The following OVCH1 variants were observed in gnomAD, a reference collection of about 807,000 sequenced individuals.
OVCH1 encodes ovochymase 1, also known as ovochymase-1.
In OVCH1, 139 loss-of-function variants were observed where a neutral mutation model predicts 138.4. The observed-to-expected ratio is 1.00, with a 90% CI of 0.87 to 1.16. The LOEUF is 1.16. OVCH1 is among the 50% of genes most tolerant of loss of function. OVCH1 has a pLI of 0.00. For missense variants in OVCH1, 1,367 were observed against 1,357.9 expected (o/e 1.01, Z -0.11); for synonymous variants, 453 against 467.8 (o/e 0.97, Z 0.41).
chr12:29,457,657 C>A (rs1240270558), intron 19 of OVCH1, among the ~76,000 whole-genome samples: 2 of 151,992 alleles, frequency 1.3e-5, no homozygotes, highest in Non-Finnish European at 2.9e-5. Flanking sequence ...CCTGCCTTGG[C>A]CTCCCAAAGT....
chr12:29,439,413 G>A (rs1941428286), exon 26 of OVCH1: 2 of 1,539,230 alleles, frequency 1.3e-6, no homozygotes, highest in South Asian at 2.5e-5. Context: ...CAGTATCATT[G>A]CCAGAGTTCC....
chr12:29,497,576 A>T (rs554149051), intron 1 of OVCH1, 47 bp downstream of exon 1: 25 of 1,606,798 alleles, frequency 1.6e-5, no homozygotes, highest in Non-Finnish European at 2.1e-5. Flanking sequence ...CCTCTCCAGC[A>T]CGCTCAGCCT....
At chr12:29,464,602 T>G (rs1942252923) in exon 18 of OVCH1, 1 of 1,613,356 alleles carries the variant, frequency 6.2e-7, no homozygotes, top group African/African-American at 1.3e-5. Flanking sequence ...CACCACCGAG[T>G]TGTACTCCAG....
At chr12:29,438,457 A>G (rs1941404888) in intron 26 of OVCH1, among the ~76,000 whole-genome samples, 1 of 40,828 alleles carries the variant, frequency 2.4e-5, no homozygotes. Context: ...TTTCCTCTTC[A>G]TCCCTCCAGA....
chr12:29,404,486 G>A, the OVCH1 span, among the ~76,000 whole-genome samples: 1 of 152,208 alleles, frequency 6.6e-6, no homozygotes, highest in East Asian at 1.9e-4. Context: ...GGCCACTCAG[G>A]TAGTGGGCTG....
chr12:29,407,650 T>G (rs1940901322), downstream of OVCH1, among the ~76,000 whole-genome samples: 1 of 152,288 alleles, frequency 6.6e-6, no homozygotes, highest in South Asian at 2.1e-4. Flanking sequence ...GGCTCTGTTC[T>G]GTTCCATTGG....
rs1327583108 is a variant in OVCH1 at position 29,489,639 on chromosome 12, C to T, written c.683G>A (p.Trp228Ter). Residue 228 changes from tryptophan to a stop codon, truncating the protein, a stop_gained, in exon 6 of 28, where the codon TGG (tryptophan) becomes TAG (stop). Transcript: ENST00000318184. LOFTEE classifies it high-confidence loss of function. Reference sequence around the variant, plus strand: ...TTGTACCTGGCAGGCGTCCATTCCCCAATCAGGGAAGCCAGCACACAGCAT... The same window carrying T: ...TTGTACCTGGCAGGCGTCCATTCCCTAATCAGGGAAGCCAGCACACAGCAT... 1.2e-6 allele frequency: 2 copies of T among 1,607,952 alleles called. No individual in the cohort carries two copies. Among genetic ancestry groups the T allele is most frequent in the Admixed American group, 1.7e-5 (1 of 59,290 alleles).
chr12:29,484,189 T>C (rs999099368), intron 8 of OVCH1, among the ~76,000 whole-genome samples: 24 of 152,180 alleles, frequency 1.6e-4, no homozygotes, highest in African/African-American at 5.3e-4. Flanking sequence ...GGACAGGGTA[T>C]GTAGAAAATT....
At chr12:29,461,551 T>C (rs1942131246) in intron 19 of OVCH1, among the ~76,000 whole-genome samples, 1 of 152,194 alleles carries the variant, frequency 6.6e-6, no homozygotes, top group South Asian at 2.1e-4. Flanking sequence ...TATTTGTACC[T>C]GAACACATCT....
In OVCH1 at chr12:29,451,383, A is replaced by G; in HGVS notation, c.2717T>C (p.Ile906Thr). 2.5e-6 allele frequency: 4 copies of G among 1,613,128 alleles called. No homozygotes were observed. The South Asian group carries it at 4.4e-5, about 18-fold the overall frequency. The change falls in exon 22 of 28, where the codon ATT becomes ACT. Residue 906 changes from isoleucine to threonine, a missense_variant. Coordinates refer to ENST00000318184, the Ensembl canonical transcript of OVCH1. Reference sequence around the variant, plus strand: ...CTTACTGTGTCTTTCTTCATAAATAATTAGAACTGAGTCTTGACACACAGG... The same window carrying G: ...CTTACTGTGTCTTTCTTCATAAATAGTTAGAACTGAGTCTTGACACACAGG...
intron 3 of OVCH1, among the ~76,000 whole-genome samples, chr12:29,416,601 C>T (rs529211594): frequency 6.6e-6 from 1 of 152,130 alleles, no homozygotes; most frequent in South Asian, 2.1e-4. Flanking sequence ...GATATCACTA[C>T]CACTACACAC....
At position 29,420,337 on chromosome 12, in the gene OVCH1, C is replaced by T. The variant is rs188650273; in HGVS notation, c.*71+2790G>A. Among the ~76,000 whole-genome samples the T allele has an allele frequency of 4.3e-4, 66 of 152,218 alleles. No homozygotes were observed. In the East Asian group the frequency reaches 0.01, roughly 24 times the overall value. ...GAGAGCAAGGAGGAAGGAGACCCAC[C>T]GTTTAGCAACTCCAGTGCTCTAGGT... On this transcript the variant is annotated intron_variant and NMD_transcript_variant, in intron 3 of 4. Coordinates refer to the OVCH1 transcript ENST00000539117.
intron 4 of OVCH1, among the ~76,000 whole-genome samples, chr12:29,493,388 G>A (rs1470488927): frequency 6.6e-6 from 1 of 151,912 alleles, no homozygotes; most frequent in Non-Finnish European, 1.5e-5. Context: ...ATTATTTTTT[G>A]TATCATAGTT....
chr12:29,418,706 C>T (rs1592023145), intron 3 of OVCH1, among the ~76,000 whole-genome samples: 1 of 152,166 alleles, frequency 6.6e-6, no homozygotes, highest in Non-Finnish European at 1.5e-5. Flanking sequence ...GGTATCAAAT[C>T]ACTGCTTCCC....
rs926759046 is a variant in OVCH1 at position 29,452,427 on chromosome 12, C to CT, written c.2531-859dup. On this transcript the variant is annotated intron_variant, in intron 21 of 27. Transcript: ENST00000318184. The stretch of plus-strand genomic sequence containing the variant: ...TCTCTGTCATTTCTTTGTTAGTCCT[C>CT]TTTTTTTATCTGTACAGCTACAAGA... 1.3e-4 allele frequency among the ~76,000 whole-genome samples: 19 copies of CT among 144,932 alleles called. 1 individual carries two copies. Among genetic ancestry groups the CT allele is most frequent in the South Asian group, 4.4e-4 (2 of 4,566 alleles).
downstream of OVCH1, among the ~76,000 whole-genome samples, chr12:29,409,081 C>CTAGTT (rs1940919574): frequency 6.6e-6 from 1 of 152,168 alleles, no homozygotes; most frequent in Non-Finnish European, 1.5e-5. Flanking sequence ...TCTAAATTTT[C>CTAGTT]TAGTTTATTT....
the OVCH1 span, among the ~76,000 whole-genome samples, chr12:29,402,794 G>A: frequency 6.6e-5 from 10 of 151,988 alleles, no homozygotes; most frequent in Admixed American, 5.9e-4. Context: ...GTTAGGGAGG[G>A]GGAATGTAAA....
At chr12:29,439,239 C>A in intron 26 of OVCH1, 1 of 1,229,256 alleles carries the variant, frequency 8.1e-7, no homozygotes, top group Non-Finnish European at 1.0e-6. Context: ...AAGTCCTTTT[C>A]CTTTATTTTG....
At chr12:29,486,802 C>A in intron 7 of OVCH1, 1 of 400,760 alleles carries the variant, frequency 2.5e-6, no homozygotes, top group Non-Finnish European at 5.0e-6. Flanking sequence ...CCATTAATGT[C>A]TGATTTCATT....
Sources: gnomAD v4.1 joint callset for allele counts (sites outside exome capture counted in the v4.1 genomes callset) on GRCh38, gnomAD v4.1.1 for gene constraint, MANE v1.5 for transcripts, NCBI Gene and HGNC (gene_info 2026-07-23, HGNC 2026-07-21) for gene names.